The following ATP12A variants were observed in gnomAD, a reference collection of about 807,000 sequenced individuals.
ATP12A encodes ATPase H+/K+ transporting non-gastric alpha2 subunit, also known as potassium-transporting ATPase alpha chain 2.
Under a neutral mutation model 111.2 loss-of-function variants are expected in ATP12A, and 81 were observed. The observed-to-expected ratio is 0.73, with a 90% CI of 0.61 to 0.88. The LOEUF (loss-of-function observed/expected upper bound fraction) is 0.88. ATP12A is among the 40% of genes least tolerant of loss of function. The pLI is 0.00. For missense variants in ATP12A, 1,196 were observed against 1,313.1 expected, an observed-to-expected ratio of 0.91 and a Z score of 1.38; for synonymous variants, 498 against 499.8, an observed-to-expected ratio of 1.00 and a Z score of 0.05.
intron 3 of ATP12A, 129 bp from the exon 4 acceptor site, chr13:24,688,190 G>A (rs776845760): frequency 3.6e-5 from 36 of 1,009,698 alleles, no homozygotes; most frequent in Middle Eastern, 3.3e-4. Flanking sequence ...TGCTTTTCTC[G>A]GGACCTTCTT....
In ATP12A at chr13:24,692,491, G is replaced by A; in HGVS notation, c.1131G>A (p.Glu377=). Residue 377 remains glutamate, a synonymous_variant, in exon 9 of 23, where the codon GAG becomes GAA. Transcript: ENST00000381946. ...AGAACTGCCTGGTGAAGAACCTGGA[G>A]GCTGTGGAGACCCTCGGCTCCACCT... ...AKKNCLVKNL[E]AVETLGSTSI... The A allele has an allele frequency of 6.2e-7, 1 of 1,614,178 alleles. No homozygotes were observed.
Position 24,694,544 on chromosome 13 carries a change from C to T in ATP12A, c.1478C>T (p.Ala493Val). The T allele has an allele frequency of 6.2e-7, 1 of 1,613,712 alleles. No individual in the cohort carries two copies. The highest frequency in any genetic ancestry group is 1.7e-5 in the Admixed American group (1 of 60,032). Residue 493 changes from alanine (A) to valine (V), a missense_variant, in exon 11 of 23, where the codon GCT becomes GTT. By Grantham distance (64) the Ala-to-Val change is moderately conservative (BLOSUM62 0). Transcript: ENST00000381946. ...MEIRKRNRKV[A>V]EIPFNSTNKF... is the part of the protein sequence containing the mutation. The stretch of plus-strand genomic sequence containing the variant: ...ATTAGAAAAAGAAACCGCAAAGTAG[C>T]TGAAATCCCTTTTAACTCTACTAAT...
At position 24,692,793 on chromosome 13, in the gene ATP12A, T is replaced by C; in HGVS notation, c.1274T>C (p.Val425Ala). The C allele has an allele frequency of 6.2e-7, 1 of 1,614,132 alleles. No individual in the cohort carries two copies. The highest frequency in any genetic ancestry group is 1.1e-5 in the South Asian group (1 of 91,082). The stretch of plus-strand genomic sequence containing the variant: ...TTCTTTCTCTGTCTTCCAGACCAAG[T>C]CTTTGACCAAAGCTCTAGGACTTGG... ...ADTSEDHSNQVFDQSSRTWAS... is the reference protein window; with the variant it reads ...ADTSEDHSNQAFDQSSRTWAS... The change falls in exon 10 of 23, where the codon GTC becomes GCC. Residue 425 changes from valine to alanine, a missense_variant. Val to Ala is a moderately conservative substitution (Grantham distance 64). Transcript: ENST00000381946.
chr13:24,707,577 C>T lies in ATP12A; in HGVS notation c.2493+144C>T, dbSNP rs993487196. On this transcript the variant is annotated intron_variant, in intron 17 of 22. Coordinates refer to ENST00000381946, the MANE Select transcript of ATP12A (RefSeq NM_001676.7). The stretch of plus-strand genomic sequence containing the variant: ...GGGGCCTGTAGCTCTGCATTTCTCA[C>T]AGGTTCTCAGGTGGTGCCCATTCTA... The T allele has an allele frequency of 2.3e-5, 26 of 1,109,218 alleles. No individual in the cohort carries two copies. In the African/African-American group the frequency reaches 3.3e-4, roughly 14 times the overall value. The allele number at this position is 1,109,218 out of a possible 1,614,324, so 68.7% of individuals were successfully genotyped here. A position where few individuals can be genotyped will look rare whatever the true frequency, so the allele number is the denominator to read the frequency against.
chr13:24,706,615 C>T (rs2289905), intron 15 of ATP12A, 152 bp downstream of exon 15: 442,122 of 1,158,046 alleles, frequency 0.38, 91,340 homozygotes, highest in Non-Finnish European at 0.42. Flanking sequence ...TCCAACCTCT[C>T]AGGTGGGCTG....
chr13:24,683,156 C>G (rs1874544545), intron 2 of ATP12A, among the ~76,000 whole-genome samples: 1 of 152,096 alleles, frequency 6.6e-6, no homozygotes, highest in Admixed American at 6.5e-5. Context: ...CGGGGTTTCC[C>G]CATGTTGGCC....
chr13:24,680,713 C>A lies in ATP12A; in HGVS notation c.-31C>A. On this transcript the variant is annotated 5_prime_UTR_variant, in exon 1 of 23. Coordinates refer to ENST00000381946, the MANE Select transcript of ATP12A (RefSeq NM_001676.7). Reference sequence around the variant, plus strand: ...GCTGCGGTCCCGGATCCGCGCTCCACGCCCGCAGCCCGCGGCGCCACCAGC... The same window carrying A: ...GCTGCGGTCCCGGATCCGCGCTCCAAGCCCGCAGCCCGCGGCGCCACCAGC... The A allele has an allele frequency of 6.7e-7, 1 of 1,501,420 alleles. No individual in the cohort carries two copies. The highest frequency in any genetic ancestry group is 8.8e-7 in the Non-Finnish European group (1 of 1,132,750). 93.0% of individuals were successfully genotyped at this position (1,501,420 alleles called of 1,614,324 possible). A position where few individuals can be genotyped will look rare whatever the true frequency, so the allele number is the denominator to read the frequency against.
chr13:24,697,670 AAG>A (rs1485391131), intron 11 of ATP12A, among the ~76,000 whole-genome samples: 24 of 149,798 alleles, frequency 1.6e-4, no homozygotes, highest in African/African-American at 5.4e-4. Context: ...TTAAGAGAGA[AAG>A]AGAGAAAGAA....
In ATP12A at chr13:24,701,916, C is replaced by T. The variant is rs1372685902; in HGVS notation, c.1882-19C>T. Reference sequence around the variant, plus strand: ...GAGTTCTTCATTACCCGTGGGCCTTCTCGTTGTCTTTGCTCTAGGTTATTA... The same window carrying T: ...GAGTTCTTCATTACCCGTGGGCCTTTTCGTTGTCTTTGCTCTAGGTTATTA... On this transcript the variant is annotated intron_variant, in intron 13 of 22. Coordinates refer to ENST00000381946, the MANE Select transcript of ATP12A (RefSeq NM_001676.7). 10 of 1,614,178 alleles carry T rather than the reference C, an allele frequency of 6.2e-6. No homozygotes were observed. Among genetic ancestry groups the T allele is most frequent in the Non-Finnish European group, 8.5e-6 (10 of 1,180,020 alleles).
intron 10 of ATP12A, among the ~76,000 whole-genome samples, chr13:24,693,873 G>A (rs538479069): frequency 2.0e-5 from 3 of 152,300 alleles, no homozygotes; most frequent in East Asian, 1.9e-4. Context: ...GCCGATTACC[G>A]GCTGATTGGA....
In ATP12A at chr13:24,709,382, G is replaced by A; in HGVS notation, c.2512G>A (p.Ala838Thr). 6.2e-7 allele frequency: 1 copy of A among 1,613,064 alleles called. No individual in the cohort carries two copies. The highest frequency in any genetic ancestry group is 1.7e-4 in the Middle Eastern group (1 of 6,058). Reference protein sequence around the residue: ...GTDIIPSIALAYEKAESDIMN... With the variant: ...GTDIIPSIALTYEKAESDIMN... ...CCTCTAGATCCCCTCCATTGCCTTG[G>A]CGTACGAGAAAGCTGAAAGTGACAT... Residue 838 changes from alanine to threonine, a missense_variant, in exon 18 of 23, where the codon GCG becomes ACG. Transcript: ENST00000381946.
At position 24,685,466 on chromosome 13, in the gene ATP12A, G is replaced by T; in HGVS notation, c.228+93G>T. 1 of 1,333,068 alleles carries T rather than the reference G, an allele frequency of 7.5e-7. No individual in the cohort carries two copies. Among genetic ancestry groups the T allele is most frequent in the Non-Finnish European group, 1.1e-6 (1 of 927,772 alleles). 82.6% of individuals were successfully genotyped at this position (1,333,068 alleles called of 1,614,324 possible). On this transcript the variant is annotated intron_variant, in intron 3 of 22. Coordinates refer to ENST00000381946, the MANE Select transcript of ATP12A (RefSeq NM_001676.7). This position sits in a 1 kb window ranked among gnomAD's most constrained non-coding sequence, Gnocchi z 5.5. ...GCGGGGGGCTGTGTGGAAGAGTAGC[G>T]GCACCTTTAGGAGGAGGGGCCCCTG... is the stretch of plus-strand genomic sequence containing the variant.
chr13:24,701,080 T>G (rs1375720950), intron 13 of ATP12A, among the ~76,000 whole-genome samples, 158 bp downstream of exon 13: 1 of 152,228 alleles, frequency 6.6e-6, no homozygotes, highest in African/African-American at 2.4e-5. Flanking sequence ...TTACTGAAAC[T>G]GTCCCACAAA....
At chr13:24,711,015 TC>T in intron 21 of ATP12A, 122 bp downstream of exon 21, 1 of 905,856 alleles carries the variant, frequency 1.1e-6, no homozygotes, top group Non-Finnish European at 1.7e-6. Flanking sequence ...GTCAAACTGA[TC>T]CCATGCTCTG....
chr13:24,688,526 AGGCTCTGG>A lies in ATP12A; in HGVS notation c.432+7_432+14del. The A allele has an allele frequency of 6.4e-7, 1 of 1,573,992 alleles. No homozygotes were observed. The highest frequency in any genetic ancestry group is 8.6e-7 in the Non-Finnish European group (1 of 1,156,992). ...CAAGTCTGCATCCCTGAACAACGTA[AGGCTCTGG>A]GGTGTCCCCTCCTGGTTTTGCTGGC... is the stretch of plus-strand genomic sequence containing the variant. On this transcript the variant is annotated splice_donor_5th_base_variant and intron_variant, in intron 4 of 22. Transcript: ENST00000381946.
chr13:24,689,690 G>A (rs1156896322), intron 5 of ATP12A, among the ~76,000 whole-genome samples: 1 of 152,194 alleles, frequency 6.6e-6, no homozygotes, highest in Non-Finnish European at 1.5e-5. Flanking sequence ...TGGCAGCCAA[G>A]GAGACCAGCC....
intron 17 of ATP12A, among the ~76,000 whole-genome samples, chr13:24,708,007 T>C (rs1323394121): frequency 6.6e-6 from 1 of 151,962 alleles, no homozygotes; most frequent in Admixed American, 6.6e-5. Flanking sequence ...AGAAATGCCA[T>C]TGGTCAGTTT....
chr13:24,694,857 TCTCTCACA>T (rs1189523775), intron 11 of ATP12A, among the ~76,000 whole-genome samples: 2 of 93,102 alleles, frequency 2.1e-5, no homozygotes, highest in South Asian at 5.1e-4. Context: ...ACACTCTCTC[TCTCTCACA>T]CACACACACA....
At chr13:24,702,113 C>A in intron 14 of ATP12A, 42 bp downstream of exon 14, 2 of 1,612,580 alleles carry the variant, frequency 1.2e-6, no homozygotes, top group South Asian at 2.2e-5. Context: ...AGTTTATACC[C>A]ATGGGGCCCC....
Sources: gnomAD v4.1 joint callset for allele counts (sites outside exome capture counted in the v4.1 genomes callset) on GRCh38, gnomAD v4.1.1 for gene constraint, Gnocchi (gnomAD v3.1) non-coding constraint, MANE v1.5 for transcripts, NCBI Gene and HGNC (gene_info 2026-07-23, HGNC 2026-07-21) for gene names.